The following CCDC61 variants were observed in gnomAD, a reference collection of about 807,000 sequenced individuals.
The protein encoded by CCDC61 is coiled-coil domain containing 61.
A neutral mutation model predicts 63.0 loss-of-function variants in CCDC61; 55 were observed. The observed-to-expected ratio is 0.87, with a 90% CI of 0.70 to 1.09. The LOEUF is 1.09. CCDC61 is among the 50% of genes least tolerant of loss of function. The pLI, the probability that CCDC61 is intolerant of heterozygous loss-of-function variation, is 0.00. For missense variants in CCDC61, 651 were observed against 731.4 expected (o/e 0.89, Z 1.27); for synonymous variants, 270 against 317.0 (o/e 0.85, Z 1.58).
Position 46,016,497 on chromosome 19 carries a change from C to A in CCDC61, c.1091+104C>A. On this transcript the variant is annotated intron_variant, in intron 9 of 13. Transcript: ENST00000595358. The surrounding 1 kb of genome is among the most constrained non-coding windows in gnomAD (Gnocchi z 7.2). ...ATCAGTCTCCATCCCCTGCCACCTGCTCGCTTCTCGCCGGATACCCCGCCT... is the reference window on the plus strand; with the variant it reads ...ATCAGTCTCCATCCCCTGCCACCTGATCGCTTCTCGCCGGATACCCCGCCT... 7.0e-7 allele frequency: 1 copy of A among 1,436,826 alleles called. No homozygotes were observed. The highest frequency in any genetic ancestry group is 9.6e-7 in the Non-Finnish European group (1 of 1,041,626). The allele number at this position is 1,436,826 out of a possible 1,614,324, so 89.0% of individuals were successfully genotyped here.
chr19:46,016,465 C>T lies in CCDC61; in HGVS notation c.1091+72C>T, dbSNP rs1968938937. The T allele has an allele frequency of 7.7e-6, 12 of 1,549,578 alleles. No individual in the cohort carries two copies. The highest frequency in any genetic ancestry group is 1.1e-5 in the Non-Finnish European group (12 of 1,128,794). On this transcript the variant is annotated intron_variant, in intron 9 of 13. Coordinates refer to ENST00000595358, the MANE Select transcript of CCDC61 (RefSeq NM_001267723.2). The surrounding 1 kb of genome is among the most constrained non-coding windows in gnomAD (Gnocchi z 7.2). ...CCGCTCCCGGGCTCTCATCTCTCCA[C>T]GCCACCATCAGTCTCCATCCCCTGC...
intron 1 of CCDC61, among the ~76,000 whole-genome samples, chr19:45,996,838 G>T (rs1968501915): frequency 6.6e-6 from 1 of 152,160 alleles, no homozygotes; most frequent in African/African-American, 2.4e-5. Context: ...GCCTCAGTTT[G>T]TCTCCTGCTC....
rs193223104 is a variant in CCDC61 at position 46,004,248 on chromosome 19, G to T, written c.231+747G>T. Among the ~76,000 whole-genome samples, 478 of 152,194 alleles carry T rather than the reference G, an allele frequency of 3.1e-3. 1 individual carries two copies. Among genetic ancestry groups the T allele is most frequent in the Non-Finnish European group, 5.1e-3 (346 of 68,014 alleles). ...AACCACTGCGCCCAGCCTGCAACTTGCTTTTAAAGGATTCAGCAATATCTC... is the reference window on the plus strand; with the variant it reads ...AACCACTGCGCCCAGCCTGCAACTTTCTTTTAAAGGATTCAGCAATATCTC... On this transcript the variant is annotated intron_variant, in intron 3 of 13. Transcript: ENST00000595358.
chr19:46,016,622 T>G lies in CCDC61; in HGVS notation c.1092-72T>G. 6.3e-7 allele frequency: 1 copy of G among 1,583,430 alleles called. No homozygotes were observed. The highest frequency in any genetic ancestry group is 8.6e-7 in the Non-Finnish European group (1 of 1,164,418). ...GCTTTCGCTGGCGTGGCTGTGACCT[T>G]TAGGGGCGCAGTGACCCCCTTGCCT... On this transcript the variant is annotated intron_variant, in intron 9 of 13. Transcript: ENST00000595358. The surrounding 1 kb of genome is among the most constrained non-coding windows in gnomAD (Gnocchi z 7.2).
Position 46,003,508 on chromosome 19 carries a change from C to G in CCDC61, c.231+7C>G. 1 of 1,597,914 alleles carries G rather than the reference C, an allele frequency of 6.3e-7. No homozygotes were observed. Among genetic ancestry groups the G allele is most frequent in the Non-Finnish European group, 8.6e-7 (1 of 1,167,086 alleles). On this transcript the variant is annotated splice_region_variant and intron_variant, in intron 3 of 13. Coordinates refer to ENST00000595358, the MANE Select transcript of CCDC61 (RefSeq NM_001267723.2). ...GGAGTCAGCCCTCACTCAGGTAGGG[C>G]CCGGGTTGGCGGGTTGGGGTGGGAG... is the stretch of plus-strand genomic sequence containing the variant.
chr19:46,000,271 T>C (rs1968566576), intron 1 of CCDC61, among the ~76,000 whole-genome samples: 2 of 151,688 alleles, frequency 1.3e-5, no homozygotes, highest in African/African-American at 4.9e-5. Context: ...AGGTGAAATA[T>C]GGGAGTGATG....
rs554744558 is a variant in CCDC61 at position 46,012,450 on chromosome 19, A to C, written c.552-2599A>C. 5.0e-4 allele frequency among the ~76,000 whole-genome samples: 76 copies of C among 152,318 alleles called. No homozygotes were observed. In the South Asian group the frequency reaches 0.016, roughly 31 times the overall value. Reference sequence around the variant, plus strand: ...CACCTGAGGTCAGGAGTTCAAGACCAGCCTGGCCAACATGATGAAACCCTG... The same window carrying C: ...CACCTGAGGTCAGGAGTTCAAGACCCGCCTGGCCAACATGATGAAACCCTG... On this transcript the variant is annotated intron_variant, in intron 5 of 13. Transcript: ENST00000595358.
chr19:45,998,824 C>T (rs1358085995), intron 1 of CCDC61, among the ~76,000 whole-genome samples: 1 of 152,056 alleles, frequency 6.6e-6, no homozygotes, highest in African/African-American at 2.4e-5. Flanking sequence ...GGGGGAAGGC[C>T]CAGAGAGGGC....
intron 11 of CCDC61, 38 bp downstream of exon 11, chr19:46,017,107 G>T: frequency 6.3e-7 from 1 of 1,591,496 alleles, no homozygotes; most frequent in East Asian, 2.3e-5. Flanking sequence ...GCCTCCAAAG[G>T]GTTTCTGGGG....
Position 46,015,951 on chromosome 19 carries a change from T to TG in CCDC61, c.846-99dup. ...CCAGGAGTGCACGTCTAGGAGTTGA[T>TG]GGGGTAGGCCTGAGGGTTCGGAGAA... On this transcript the variant is annotated intron_variant, in intron 7 of 13. Coordinates refer to ENST00000595358, the MANE Select transcript of CCDC61 (RefSeq NM_001267723.2). This position sits in a 1 kb window ranked among gnomAD's most constrained non-coding sequence, Gnocchi z 5.3. 9.9e-7 allele frequency: 1 copy of TG among 1,011,190 alleles called. No individual in the cohort carries two copies. Among genetic ancestry groups the TG allele is most frequent in the Non-Finnish European group, 1.3e-6 (1 of 793,626 alleles). The allele number at this position is 1,011,190 out of a possible 1,614,324, so 62.6% of individuals were successfully genotyped here.
Position 46,016,892 on chromosome 19 carries a change from G to T in CCDC61, c.1231+59G>T. The T allele has an allele frequency of 2.7e-6, 4 of 1,469,128 alleles. No individual in the cohort carries two copies. The highest frequency in any genetic ancestry group is 3.7e-6 in the Non-Finnish European group (4 of 1,088,414). 91.0% of individuals were successfully genotyped at this position (1,469,128 alleles called of 1,614,324 possible). A position where few individuals can be genotyped will look rare whatever the true frequency, so the allele number is the denominator to read the frequency against. On this transcript the variant is annotated intron_variant, in intron 10 of 13. Coordinates refer to ENST00000595358, the MANE Select transcript of CCDC61 (RefSeq NM_001267723.2). The surrounding 1 kb of genome is among the most constrained non-coding windows in gnomAD (Gnocchi z 7.2). ...GGCGGGACTGGGCGGGGCTGGGCGG[G>T]CTGGGAGGCACTGGGCAGGGCGGGC...
intron 5 of CCDC61, among the ~76,000 whole-genome samples, chr19:46,012,080 T>C (rs1968838986): frequency 6.6e-6 from 1 of 152,210 alleles, no homozygotes; most frequent in Non-Finnish European, 1.5e-5. Context: ...GTGTTGGAAT[T>C]ACAGGTGTAA....
intron 5 of CCDC61, among the ~76,000 whole-genome samples, chr19:46,014,053 A>G (rs1968878501): frequency 6.6e-6 from 1 of 152,086 alleles, no homozygotes; most frequent in Non-Finnish European, 1.5e-5. Context: ...AAATTTAATT[A>G]ATTAATTTGT....
intron 2 of CCDC61, 50 bp downstream of exon 2, chr19:46,003,216 C>T (rs766609935): frequency 6.4e-6 from 10 of 1,553,960 alleles, no homozygotes; most frequent in Non-Finnish European, 7.0e-6. Context: ...CTGGGATCAG[C>T]TTCTCCCAGA....
chr19:45,997,717 C>G (rs576547225), intron 1 of CCDC61, among the ~76,000 whole-genome samples: 1 of 124,520 alleles, frequency 8.0e-6, no homozygotes, highest in African/African-American at 3.1e-5. Context: ...GATAGAGTCT[C>G]TCTCTGTCAC....
chr19:45,998,795 A>G (rs1174200825), intron 1 of CCDC61, among the ~76,000 whole-genome samples: 1 of 152,176 alleles, frequency 6.6e-6, no homozygotes, highest in Admixed American at 6.5e-5. Flanking sequence ...AGGAGCTCTT[A>G]TTATCCCGCT....
intron 5 of CCDC61, among the ~76,000 whole-genome samples, chr19:46,009,835 T>TGCGCGCGCGCGC (rs146837715): frequency 3.3e-5 from 5 of 151,632 alleles, no homozygotes; most frequent in Non-Finnish European, 7.4e-5. Flanking sequence ...TGTGTGTGTG[T>TGCGCGCGCGCGC]GTGCGCGCGC....
In CCDC61 at chr19:46,016,728, A is replaced by G; in HGVS notation, c.1126A>G (p.Ser376Gly). 6.2e-7 allele frequency: 1 copy of G among 1,610,250 alleles called. No individual in the cohort carries two copies. Among genetic ancestry groups the G allele is most frequent in the Non-Finnish European group, 8.5e-7 (1 of 1,178,734 alleles). ...QQRNRLGSGG[S>G]GDGPSVSWSR... ...GCGGAACCGCTTAGGCAGTGGGGGA[A>G]GCGGGGACGGTCCGTCCGTCTCCTG... Residue 376 changes from serine (S) to glycine (G), a missense_variant, in exon 10 of 14, where the codon AGC becomes GGC. Physicochemically the swap from Ser to Gly is moderately conservative, Grantham distance 56. Transcript: ENST00000595358. This position sits in a 1 kb window ranked among gnomAD's most constrained non-coding sequence, Gnocchi z 7.2.
In CCDC61 at chr19:46,016,906, G is replaced by A. The variant is rs1968952742; in HGVS notation, c.1231+73G>A. On this transcript the variant is annotated intron_variant, in intron 10 of 13. Coordinates refer to ENST00000595358, the MANE Select transcript of CCDC61 (RefSeq NM_001267723.2). The surrounding 1 kb of genome is among the most constrained non-coding windows in gnomAD (Gnocchi z 7.2). ...GGGCTGGGCGGGCTGGGAGGCACTG[G>A]GCAGGGCGGGCGGGCTGGGAGGGCC... is the stretch of plus-strand genomic sequence containing the variant. 6.6e-7 allele frequency: 1 copy of A among 1,505,132 alleles called. No homozygotes were observed. Among genetic ancestry groups the A allele is most frequent in the African/African-American group, 1.4e-5 (1 of 72,020 alleles). The allele number at this position is 1,505,132 out of a possible 1,614,324, so 93.2% of individuals were successfully genotyped here. A position where few individuals can be genotyped will look rare whatever the true frequency, so the allele number is the denominator to read the frequency against.
Sources: allele counts gnomAD v4.1 joint callset (sites outside exome capture counted in the v4.1 genomes callset), GRCh38; gene constraint gnomAD v4.1.1; non-coding constraint Gnocchi (gnomAD v3.1); transcripts MANE v1.5; gene names NCBI Gene and HGNC (gene_info 2026-07-23, HGNC 2026-07-21).